CNTLN: variants seen among roughly 807,000 people sequenced by gnomAD.
CNTLN encodes centlein, centrosomal protein.
Under a neutral mutation model 180.0 loss-of-function variants are expected in CNTLN, and 212 were observed. The ratio of observed to expected loss-of-function variants is 1.18; its 90% CI spans 1.05 to 1.32. The LOEUF is 1.32. CNTLN is among the 40% of genes most tolerant of loss of function. The probability of loss-of-function intolerance (pLI) is 0.00; values close to 1 mark genes in which losing one functional copy is unlikely to be tolerated. For missense variants in CNTLN, 2,095 were observed against 1,610.9 expected (o/e 1.30, Z -5.14); for synonymous variants, 722 against 563.1 (o/e 1.28, Z -3.99).
chr9:17,358,956 A>G (rs1354995173), intron 12 of CNTLN, among the ~76,000 whole-genome samples: 2 of 152,204 alleles, frequency 1.3e-5, no homozygotes, highest in Admixed American at 1.3e-4. Context: ...AGAGGAAAAC[A>G]TAGGAGAACA....
intron 2 of CNTLN, among the ~76,000 whole-genome samples, chr9:17,173,396 C>T (rs1218224776): frequency 6.6e-6 from 1 of 152,012 alleles, no homozygotes; most frequent in East Asian, 1.9e-4. Flanking sequence ...AAAATAGTTT[C>T]TACCATTTGA....
At chr9:17,146,510 A>G (rs1818467582) in intron 2 of CNTLN, among the ~76,000 whole-genome samples, 1 of 152,126 alleles carries the variant, frequency 6.6e-6, no homozygotes, top group African/African-American at 2.4e-5. Flanking sequence ...GGCCCTCATA[A>G]ATGGGATTAG....
At chr9:17,268,678 G>C (rs1827695529) in intron 5 of CNTLN, among the ~76,000 whole-genome samples, 1 of 152,150 alleles carries the variant, frequency 6.6e-6, no homozygotes. Context: ...TTGAGCTGTG[G>C]TTGGGCTCCA....
chr9:17,149,016 G>A (rs889931675), intron 2 of CNTLN, among the ~76,000 whole-genome samples: 2 of 152,012 alleles, frequency 1.3e-5, no homozygotes, highest in African/African-American at 4.8e-5. Flanking sequence ...CCCTCCCTGT[G>A]TCCATGTGTT....
chr9:17,344,384 T>A (rs1399435603), intron 12 of CNTLN, among the ~76,000 whole-genome samples: 1 of 152,194 alleles, frequency 6.6e-6, no homozygotes, highest in African/African-American at 2.4e-5. Context: ...AGTCTTAATT[T>A]AGTAACAGGT....
At chr9:17,254,905 T>C (rs1410098827) in intron 5 of CNTLN, among the ~76,000 whole-genome samples, 1 of 151,732 alleles carries the variant, frequency 6.6e-6, no homozygotes. Flanking sequence ...AACATTGTCT[T>C]CCAATCCAGT....
At chr9:17,295,742 T>C (rs966638040) in intron 6 of CNTLN, among the ~76,000 whole-genome samples, 5 of 152,164 alleles carry the variant, frequency 3.3e-5, no homozygotes, top group African/African-American at 1.2e-4. Context: ...TGCTTGCTTT[T>C]TGTATTTGCA....
intron 5 of CNTLN, among the ~76,000 whole-genome samples, chr9:17,258,490 A>T (rs1587368051): frequency 6.6e-6 from 1 of 151,306 alleles, no homozygotes; most frequent in Admixed American, 6.6e-5. Flanking sequence ...TGAACTTTAA[A>T]GTAGTTTTTT....
intron 2 of CNTLN, among the ~76,000 whole-genome samples, chr9:17,202,729 G>A (rs573417534): frequency 2.1e-5 from 3 of 140,262 alleles, no homozygotes; most frequent in Non-Finnish European, 3.0e-5. Flanking sequence ...GCCAATGTGT[G>A]TATTTGACCA....
chr9:17,226,240 C>G lies in CNTLN; in HGVS notation c.487C>G (p.Leu163Val). ...QKSEAKDRKV[L>V]EILQVKDAKI... ...ATCTGAAGCTAAAGACAGAAAAGTTCTAGAAATTCTGCAAGTCAAGGATGC... is the reference window on the plus strand; with the variant it reads ...ATCTGAAGCTAAAGACAGAAAAGTTGTAGAAATTCTGCAAGTCAAGGATGC... The change falls in exon 3 of 26, where the codon CTA becomes GTA. Residue 163 changes from leucine (L) to valine (V), a missense_variant. Physicochemically the swap from Leu to Val is conservative, Grantham distance 32. Coordinates refer to ENST00000380647, the MANE Select transcript of CNTLN (RefSeq NM_017738.4). 1.3e-6 allele frequency: 2 copies of G among 1,579,918 alleles called. No homozygotes were observed. Among genetic ancestry groups the G allele is most frequent in the African/African-American group, 1.4e-5 (1 of 73,146 alleles).
intron 5 of CNTLN, among the ~76,000 whole-genome samples, chr9:17,269,611 T>G (rs540368468): frequency 1.3e-5 from 2 of 152,322 alleles, no homozygotes; most frequent in South Asian, 4.1e-4. Context: ...CTGGTTTTAT[T>G]ACATTGTGAT....
intron 12 of CNTLN, among the ~76,000 whole-genome samples, chr9:17,359,717 T>TAAAAAAAAAAGAAAAAAAAAAAAA (rs1456379699): frequency 7.4e-5 from 1 of 13,478 alleles, no homozygotes; most frequent in Non-Finnish European, 1.7e-4. Context: ...CCGTCTATAC[T>TAAAAAAAAAAGAAAAAAAAAAAAA]AAAAATACAA....
chr9:17,198,804 T>C (rs1264519895), intron 2 of CNTLN, among the ~76,000 whole-genome samples: 2 of 151,966 alleles, frequency 1.3e-5, no homozygotes, highest in African/African-American at 4.8e-5. Flanking sequence ...TCTGTTTTAG[T>C]TTGCTGAGGA....
chr9:17,436,307 T>C (rs1829773729), intron 18 of CNTLN, among the ~76,000 whole-genome samples: 1 of 152,178 alleles, frequency 6.6e-6, no homozygotes, highest in Non-Finnish European at 1.5e-5. Flanking sequence ...CAGAAGCACG[T>C]TTTGCTGCAG....
chr9:17,337,602 CAT>C (rs1168839706), intron 10 of CNTLN, among the ~76,000 whole-genome samples: 9 of 152,104 alleles, frequency 5.9e-5, no homozygotes, highest in African/African-American at 1.9e-4. Flanking sequence ...TCATGAATGA[CAT>C]ATGGAGCTCA....
intron 2 of CNTLN, among the ~76,000 whole-genome samples, chr9:17,211,786 G>T (rs907834133): frequency 6.6e-6 from 1 of 152,042 alleles, no homozygotes; most frequent in African/African-American, 2.4e-5. Context: ...TTGTAAGTTG[G>T]ATTCCTAGGT....
chr9:17,418,734 A>C (rs1828463929), intron 18 of CNTLN, among the ~76,000 whole-genome samples: 1 of 152,028 alleles, frequency 6.6e-6, no homozygotes, highest in Non-Finnish European at 1.5e-5. Flanking sequence ...TAGGTTTTGA[A>C]CTTATAGGTC....
intron 10 of CNTLN, 29 bp from the exon 11 acceptor site, chr9:17,340,798 A>T (rs1372300411): frequency 6.3e-7 from 1 of 1,586,268 alleles, no homozygotes. Flanking sequence ...CTTCAAACTT[A>T]TATATACTTG....
chr9:17,453,082 C>T (rs1374548688), intron 18 of CNTLN, among the ~76,000 whole-genome samples: 4 of 152,002 alleles, frequency 2.6e-5, no homozygotes, highest in Admixed American at 6.6e-5. Context: ...GAGGCCGAGG[C>T]GGGAGGATTG....
Sources: gnomAD v4.1 joint callset for allele counts (sites outside exome capture counted in the v4.1 genomes callset) on GRCh38, gnomAD v4.1.1 for gene constraint, MANE v1.5 for transcripts, NCBI Gene and HGNC (gene_info 2026-07-23, HGNC 2026-07-21) for gene names.